CPNE4: variants seen among roughly 807,000 people sequenced by gnomAD.
CPNE4 encodes the protein copine-4.
In CPNE4, 25 loss-of-function variants were observed where a neutral mutation model predicts 67.9. That is an observed-to-expected ratio of 0.37 (90% CI 0.27 to 0.51). The LOEUF (loss-of-function observed/expected upper bound fraction) is 0.51. CPNE4 is among the 20% of genes least tolerant of loss of function. CPNE4 has a pLI of 0.93. For missense variants in CPNE4, 464 were observed against 690.8 expected, an observed-to-expected ratio of 0.67 and a Z score of 3.68; for synonymous variants, 242 against 244.9, an observed-to-expected ratio of 0.99 and a Z score of 0.11.
intron 7 of CPNE4, chr3:131,620,421 G>T (rs1010931071): frequency 3.2e-5 from 31 of 983,268 alleles, no homozygotes; most frequent in Admixed American, 6.1e-5. Flanking sequence ...CATTTTCCTT[G>T]AGCTCTTTGG....
chr3:131,876,552 G>C (rs12498012), intron 2 of CPNE4, among the ~76,000 whole-genome samples: 26,536 of 146,808 alleles, frequency 0.18, 2,948 homozygotes, highest in Non-Finnish European at 0.24. Context: ...TGAGGCAGGA[G>C]AATGGCGTGA....
intron 2 of CPNE4, among the ~76,000 whole-genome samples, chr3:131,822,771 ACTTTC>A (rs2085004817): frequency 6.6e-6 from 1 of 152,166 alleles, no homozygotes; most frequent in African/African-American, 2.4e-5. Flanking sequence ...TTTTTTAAGT[ACTTTC>A]CTTATTTCTC....
rs547327812 is a variant in CPNE4 at position 131,878,833 on chromosome 3, C to A, written c.180+26431G>T. 4.6e-5 allele frequency among the ~76,000 whole-genome samples: 7 copies of A among 152,318 alleles called. No homozygotes were observed. In the South Asian group the frequency reaches 1.5e-3, roughly 32 times the overall value. Reference sequence around the variant, plus strand: ...AACAATCAAATACAGCAAGAAGGAACCTCATTCACTCATGCAATGAAATAT... The same window carrying A: ...AACAATCAAATACAGCAAGAAGGAAACTCATTCACTCATGCAATGAAATAT... On this transcript the variant is annotated intron_variant, in intron 2 of 15. Transcript: ENST00000429747.
intron 3 of CPNE4, among the ~76,000 whole-genome samples, chr3:131,705,705 T>C (rs1365887627): frequency 6.6e-6 from 1 of 152,184 alleles, no homozygotes; most frequent in Non-Finnish European, 1.5e-5. Context: ...AGGTATTCCA[T>C]TAGTTTGAGC....
intron 1 of CPNE4, among the ~76,000 whole-genome samples, chr3:131,966,265 A>C (rs548937726): frequency 6.6e-6 from 1 of 152,346 alleles, no homozygotes; most frequent in African/African-American, 2.4e-5. Flanking sequence ...CCACATCAGA[A>C]AGTAGGAGAG....
At chr3:131,648,257 AGCTACTTGGG>A (rs1373798332) in intron 7 of CPNE4, among the ~76,000 whole-genome samples, 2 of 152,228 alleles carry the variant, frequency 1.3e-5, no homozygotes, top group African/African-American at 2.4e-5. Context: ...CTGTAGTCCC[AGCTACTTGGG>A]AGGCTGAAGG....
intron 7 of CPNE4, among the ~76,000 whole-genome samples, chr3:131,632,476 G>A (rs978365784): frequency 6.6e-6 from 1 of 152,094 alleles, no homozygotes; most frequent in African/African-American, 2.4e-5. Flanking sequence ...AATTACTCTT[G>A]TTAATATGGG....
chr3:131,631,187 A>G (rs1368300317), intron 7 of CPNE4, among the ~76,000 whole-genome samples: 1 of 152,230 alleles, frequency 6.6e-6, no homozygotes, highest in Non-Finnish European at 1.5e-5. Context: ...TAAAGTCACC[A>G]TAAAATCATT....
At chr3:132,026,759 G>A (rs2074123736) in intron 1 of CPNE4, among the ~76,000 whole-genome samples, 1 of 152,188 alleles carries the variant, frequency 6.6e-6, no homozygotes, top group African/African-American at 2.4e-5. Flanking sequence ...TGGATGGAGA[G>A]CAAGGTTGGG....
At chr3:131,558,935 G>A (rs1328599725) in intron 11 of CPNE4, among the ~76,000 whole-genome samples, 3 of 151,892 alleles carry the variant, frequency 2.0e-5, no homozygotes, top group Non-Finnish European at 4.4e-5. Flanking sequence ...TTCTGGGAAT[G>A]CCTGTGATGG....
intron 8 of CPNE4, among the ~76,000 whole-genome samples, chr3:131,585,644 T>G (rs1327878888): frequency 2.6e-5 from 4 of 152,228 alleles, no homozygotes; most frequent in African/African-American, 9.6e-5. Context: ...TTGGACTATT[T>G]CTATTCATAG....
At chr3:131,801,286 C>T (rs1338178699) in intron 2 of CPNE4, among the ~76,000 whole-genome samples, 1 of 149,030 alleles carries the variant, frequency 6.7e-6, no homozygotes, top group East Asian at 2.0e-4. Flanking sequence ...TTTGTTTTTG[C>T]ACTTTATTGC....
chr3:131,987,310 T>C (rs1413766007), intron 1 of CPNE4, among the ~76,000 whole-genome samples: 2 of 152,030 alleles, frequency 1.3e-5, no homozygotes, highest in East Asian at 3.9e-4. Flanking sequence ...CTACATTTGA[T>C]GTGGGAAAAG....
intron 1 of CPNE4, among the ~76,000 whole-genome samples, chr3:132,026,949 T>C (rs554660171): frequency 9.9e-5 from 15 of 152,234 alleles, no homozygotes; most frequent in Non-Finnish European, 1.9e-4. Context: ...AAACTAAGTA[T>C]GCTTACTTTT....
At chr3:132,005,269 T>C (rs929521880) in intron 1 of CPNE4, among the ~76,000 whole-genome samples, 4 of 144,116 alleles carry the variant, frequency 2.8e-5, no homozygotes, top group Non-Finnish European at 6.1e-5. Context: ...TATCCTATCC[T>C]AATAGTCACC....
At position 131,549,864 on chromosome 3, in the gene CPNE4, G is replaced by T. The variant is rs1407976839; in HGVS notation, c.1302+83C>A. The T allele has an allele frequency of 4.1e-6, 6 of 1,481,400 alleles. No individual in the cohort carries two copies. The East Asian group carries it at 1.1e-4, about 28-fold the overall frequency. 91.8% of individuals were successfully genotyped at this position (1,481,400 alleles called of 1,614,324 possible). On this transcript the variant is annotated intron_variant, in intron 14 of 15. Coordinates refer to ENST00000429747, the MANE Select transcript of CPNE4 (RefSeq NM_130808.3). ...ACAGGGAGAAGTGTTGGAATTTATT[G>T]TTAGAGTGAGATGGGTCTTACGGCC...
chr3:131,622,547 G>C (rs1940531222), intron 7 of CPNE4, among the ~76,000 whole-genome samples: 1 of 152,208 alleles, frequency 6.6e-6, no homozygotes, highest in Non-Finnish European at 1.5e-5. Context: ...TACTGAAGCA[G>C]AGCAGGCATT....
chr3:131,584,954 A>T (rs1408134542), intron 8 of CPNE4, among the ~76,000 whole-genome samples: 1 of 152,180 alleles, frequency 6.6e-6, no homozygotes, highest in Non-Finnish European at 1.5e-5. Flanking sequence ...ATATCTGACC[A>T]CATCCTATGA....
At chr3:131,969,919 C>G (rs2072458216) in intron 1 of CPNE4, among the ~76,000 whole-genome samples, 1 of 152,216 alleles carries the variant, frequency 6.6e-6, no homozygotes, top group South Asian at 2.1e-4. Context: ...GGCCTGTCTT[C>G]TACCTATATA....
Sources: allele counts gnomAD v4.1 joint callset (sites outside exome capture counted in the v4.1 genomes callset), GRCh38; gene constraint gnomAD v4.1.1; transcripts MANE v1.5; gene names NCBI Gene and HGNC (gene_info 2026-07-23, HGNC 2026-07-21).